The following ACOX3 variants were observed in gnomAD, a reference collection of about 807,000 sequenced individuals.
ACOX3 encodes peroxisomal acyl-coenzyme A oxidase 3.
A neutral mutation model predicts 81.5 loss-of-function variants in ACOX3; 73 were observed. The ratio of observed to expected loss-of-function variants is 0.90; its 90% CI spans 0.74 to 1.09. The LOEUF (loss-of-function observed/expected upper bound fraction) is 1.09. Ranked by LOEUF, ACOX3 falls within the 50% of genes least tolerant of loss-of-function variation. The probability of loss-of-function intolerance (pLI) is 0.00; values close to 1 mark genes in which losing one functional copy is unlikely to be tolerated. For synonymous variants in ACOX3, 387 were observed against 375.1 expected (o/e 1.03, Z -0.37); for missense variants, 947 against 928.0 (o/e 1.02, Z -0.27).
the ACOX3 span, among the ~76,000 whole-genome samples, chr4:8,358,597 A>G: frequency 2.3e-3 from 355 of 152,314 alleles, 5 homozygotes; most frequent in Middle Eastern, 0.017. Context: ...CACAAGATAC[A>G]GGTCTTAAAG....
chr4:8,403,388 A>G (rs1471737088), intron 7 of ACOX3, among the ~76,000 whole-genome samples: 1 of 152,132 alleles, frequency 6.6e-6, no homozygotes, highest in Non-Finnish European at 1.5e-5. Flanking sequence ...CCTGGATGGG[A>G]AATGTGCATT....
chr4:8,406,178 A>T lies in ACOX3; in HGVS notation c.688-135T>A. On this transcript the variant is annotated intron_variant, in intron 6 of 17. Transcript: ENST00000356406. This position sits in a 1 kb window ranked among gnomAD's most constrained non-coding sequence, Gnocchi z 5.6. The stretch of plus-strand genomic sequence containing the variant: ...GCTGTGGGTTAAACCATCCTCCAGA[A>T]ATGATACATCCAAGTCCTAACCCCA... 1 of 776,102 alleles carries T rather than the reference A, an allele frequency of 1.3e-6. No individual in the cohort carries two copies. The highest frequency in any genetic ancestry group is 2.2e-6 in the Non-Finnish European group (1 of 452,882). 48.1% of individuals were successfully genotyped at this position (776,102 alleles called of 1,614,324 possible). A position where few individuals can be genotyped will look rare whatever the true frequency, so the allele number is the denominator to read the frequency against.
At chr4:8,371,790 G>T (rs934127268) in intron 16 of ACOX3, among the ~76,000 whole-genome samples, 1 of 152,380 alleles carries the variant, frequency 6.6e-6, no homozygotes, top group East Asian at 1.9e-4. Flanking sequence ...AGAAGCTCTC[G>T]GCAGAGCACA....
In ACOX3 at chr4:8,414,313, G is replaced by C; in HGVS notation, c.522C>G (p.Ala174=). ...CTACCTCAGTGGCAGGATCGTAGTG[G>C]GCAGTTGTGCGAATGGCCTTGGTAT... ...GSNTKAIRTT[A]HYDPATEEFI... The change falls in exon 5 of 18, where the codon GCC becomes GCG. Residue 174 remains alanine, a synonymous_variant. Coordinates refer to ENST00000356406, the MANE Select transcript of ACOX3 (RefSeq NM_003501.3). This position sits in a 1 kb window ranked among gnomAD's most constrained non-coding sequence, Gnocchi z 6.1. 1.9e-6 allele frequency: 3 copies of C among 1,614,036 alleles called. No homozygotes were observed. Among genetic ancestry groups the C allele is most frequent in the Non-Finnish European group, 2.5e-6 (3 of 1,179,954 alleles).
At chr4:8,411,416 A>G (rs1721712438) in intron 5 of ACOX3, among the ~76,000 whole-genome samples, 1 of 149,504 alleles carries the variant, frequency 6.7e-6, no homozygotes, top group African/African-American at 2.6e-5. Flanking sequence ...AGTTTCACTG[A>G]GGAGAAGTAG....
rs1723897951 is a variant in ACOX3 at position 8,430,542 on chromosome 4, CAT to C, written c.-15+10104_-15+10105del. Among the ~76,000 whole-genome samples, 1 of 152,202 alleles carries C rather than the reference CAT, an allele frequency of 6.6e-6. No homozygotes were observed. Among genetic ancestry groups the C allele is most frequent in the Non-Finnish European group, 1.5e-5 (1 of 68,042 alleles). On this transcript the variant is annotated intron_variant, in intron 1 of 17. Transcript: ENST00000356406. The surrounding 1 kb of genome is among the most constrained non-coding windows in gnomAD (Gnocchi z 5.2). Reference sequence around the variant, plus strand: ...TACAACTACTAATCAATTGGGTTCACATGTGTTACTGACATTAGAAAAACATC... The same window carrying C: ...TACAACTACTAATCAATTGGGTTCACGTGTTACTGACATTAGAAAAACATC...
At chr4:8,411,110 C>A (rs1352514809) in intron 5 of ACOX3, among the ~76,000 whole-genome samples, 1 of 152,182 alleles carries the variant, frequency 6.6e-6, no homozygotes, top group Non-Finnish European at 1.5e-5. Context: ...AGGGAGGATG[C>A]GGACCAGCAG....
At chr4:8,438,874 G>C (rs533475817) in intron 1 of ACOX3, 1 of 152,166 alleles carries the variant, frequency 6.6e-6, no homozygotes, top group Non-Finnish European at 1.5e-5. Context: ...CGGCTGATTC[G>C]GAGACGAGAC....
chr4:8,422,918 A>C (rs1315362480), intron 1 of ACOX3, among the ~76,000 whole-genome samples: 1 of 152,220 alleles, frequency 6.6e-6, no homozygotes, highest in Non-Finnish European at 1.5e-5. Flanking sequence ...TGTCAAGGGA[A>C]TCACTGGAAG....
chr4:8,388,467 G>A (rs907900428), intron 13 of ACOX3, among the ~76,000 whole-genome samples: 1 of 152,246 alleles, frequency 6.6e-6, no homozygotes, highest in Non-Finnish European at 1.5e-5. Context: ...AGGATCCAGC[G>A]CAGTCTACAG....
intron 1 of ACOX3, among the ~76,000 whole-genome samples, chr4:8,440,363 C>A (rs551650986): frequency 6.6e-6 from 1 of 152,340 alleles, no homozygotes; most frequent in East Asian, 1.9e-4. Context: ...CATGGGACAA[C>A]GTTACATCAT....
At chr4:8,397,947 G>T (rs996213259) in intron 8 of ACOX3, among the ~76,000 whole-genome samples, 2 of 152,226 alleles carry the variant, frequency 1.3e-5, no homozygotes, top group Non-Finnish European at 2.9e-5. Flanking sequence ...GATCACCTGA[G>T]GTCAGGAGTT....
chr4:8,413,065 C>A (rs1383271057), intron 5 of ACOX3, among the ~76,000 whole-genome samples: 4 of 146,370 alleles, frequency 2.7e-5, no homozygotes, highest in Admixed American at 2.7e-4. Context: ...CTCCCTCCAC[C>A]CCGCACCCCT....
Position 8,431,104 on chromosome 4 carries a change from T to TG in ACOX3, c.-15+9543_-15+9544insC. On this transcript the variant is annotated intron_variant, in intron 1 of 17. Coordinates refer to ENST00000356406, the MANE Select transcript of ACOX3 (RefSeq NM_003501.3). This position sits in a 1 kb window ranked among gnomAD's most constrained non-coding sequence, Gnocchi z 5.3. ...TGGTTCTATTTAAGTTAGGGCATCA[T>TG]CACAAAATGACATGGAGAAAACAAA... is the stretch of plus-strand genomic sequence containing the variant. 6.6e-6 allele frequency among the ~76,000 whole-genome samples: 1 copy of TG among 152,234 alleles called. No homozygotes were observed. Among genetic ancestry groups the TG allele is most frequent in the East Asian group, 1.9e-4 (1 of 5,180 alleles).
At position 8,376,326 on chromosome 4, in the gene ACOX3, G is replaced by A. The variant is rs924260528; in HGVS notation, c.1654-1174C>T. ...CACGCATTGCTTGACTTGTTAGGAT[G>A]AGCAGGTGCTACTTTTAAAATTAAA... On this transcript the variant is annotated intron_variant, in intron 14 of 17. Coordinates refer to ENST00000356406, the MANE Select transcript of ACOX3 (RefSeq NM_003501.3). Among the ~76,000 whole-genome samples, 15 of 148,062 alleles carry A rather than the reference G, an allele frequency of 1.0e-4. 1 individual carries two copies. In the South Asian group the frequency reaches 3.3e-3, roughly 32 times the overall value.
At chr4:8,371,182 A>C (rs1021199707) in intron 16 of ACOX3, among the ~76,000 whole-genome samples, 188 bp from the exon 17 acceptor site, 2 of 152,150 alleles carry the variant, frequency 1.3e-5, no homozygotes, top group Non-Finnish European at 2.9e-5. Context: ...GTGCACTGGA[A>C]TGTTCTCACC....
In ACOX3 at chr4:8,414,995, A is replaced by G. The variant is rs1722163382; in HGVS notation, c.379-67T>C. On this transcript the variant is annotated intron_variant, in intron 3 of 17. Transcript: ENST00000356406. The surrounding 1 kb of genome is among the most constrained non-coding windows in gnomAD (Gnocchi z 6.1). ...AAGAGTACTGCTCTTCCGGAACATC[A>G]CAACAGACAACGGCACTCAACACCA... is the stretch of plus-strand genomic sequence containing the variant. 7.1e-7 allele frequency: 1 copy of G among 1,415,118 alleles called. No individual in the cohort carries two copies. Among genetic ancestry groups the G allele is most frequent in the Non-Finnish European group, 1.0e-6 (1 of 999,732 alleles). 87.7% of individuals were successfully genotyped at this position (1,415,118 alleles called of 1,614,324 possible). A position where few individuals can be genotyped will look rare whatever the true frequency, so the allele number is the denominator to read the frequency against.
chr4:8,364,482 T>C (rs775158074), downstream of ACOX3, among the ~76,000 whole-genome samples: 1 of 151,704 alleles, frequency 6.6e-6, no homozygotes, highest in African/African-American at 2.4e-5. The surrounding 1 kb of genome is among the most constrained non-coding windows in gnomAD (Gnocchi z 5.0). Flanking sequence ...CTCTCCTGCA[T>C]GAGAACCCGT....
At chr4:8,408,135 C>A (rs187404124) in intron 6 of ACOX3, among the ~76,000 whole-genome samples, 2,893 of 152,138 alleles carry the variant, frequency 0.019, 70 homozygotes, top group African/African-American at 0.063. Context: ...GTCAATTCAC[C>A]ATCTAACTTC....
Sources: allele counts gnomAD v4.1 joint callset (sites outside exome capture counted in the v4.1 genomes callset), GRCh38; gene constraint gnomAD v4.1.1; non-coding constraint Gnocchi (gnomAD v3.1); transcripts MANE v1.5; gene names NCBI Gene and HGNC (gene_info 2026-07-23, HGNC 2026-07-21).